ROBO1: variants seen among roughly 807,000 people sequenced by gnomAD.
The protein encoded by ROBO1 is roundabout guidance receptor 1.
A neutral mutation model predicts 195.9 loss-of-function variants in ROBO1; 149 were observed. The observed-to-expected ratio is 0.76, with a 90% CI of 0.67 to 0.87. The LOEUF (loss-of-function observed/expected upper bound fraction) is 0.87. ROBO1 is among the 40% of genes least tolerant of loss of function. ROBO1 has a pLI of 0.00. For synonymous variants in ROBO1, 816 were observed against 733.2 expected, an observed-to-expected ratio of 1.11 and a Z score of -1.82; for missense variants, 1,933 against 2,068.3, an observed-to-expected ratio of 0.93 and a Z score of 1.27.
chr3:78,845,172 G>GT (rs1297533690), intron 4 of ROBO1, among the ~76,000 whole-genome samples: 1 of 151,906 alleles, frequency 6.6e-6, no homozygotes, highest in Non-Finnish European at 1.5e-5. Context: ...TCAGATGTGT[G>GT]TAAGTATAAA....
At chr3:79,285,126 AAATCAACATGTT>A in intron 2 of ROBO1, among the ~76,000 whole-genome samples, 1 of 152,158 alleles carries the variant, frequency 6.6e-6, no homozygotes, top group African/African-American at 2.4e-5. Context: ...AGTAATTTAT[AAATCAACATGTT>A]CTTACGAAGC....
At chr3:79,242,837 C>T (rs183875836) in intron 2 of ROBO1, among the ~76,000 whole-genome samples, 3,462 of 152,118 alleles carry the variant, frequency 0.023, 56 homozygotes, top group Non-Finnish European at 0.035. Context: ...CTATTTCTTT[C>T]TTTTTTCATT....
At chr3:79,125,083 A>G (rs893577665) in intron 3 of ROBO1, among the ~76,000 whole-genome samples, 2 of 152,096 alleles carry the variant, frequency 1.3e-5, no homozygotes, top group African/African-American at 4.8e-5. Context: ...GTACAGATAA[A>G]TTTGAATCCA....
rs778256211 is a variant in ROBO1 at position 78,896,452 on chromosome 3, C to G, written c.499+42149G>C. 1.6e-3 allele frequency among the ~76,000 whole-genome samples: 245 copies of G among 151,908 alleles called. 3 individuals are homozygous for G. The highest frequency in any genetic ancestry group is 3.7e-3 in the Admixed American group (57 of 15,246). On this transcript the variant is annotated intron_variant, in intron 4 of 30. Coordinates refer to ENST00000464233, the MANE Select transcript of ROBO1 (RefSeq NM_002941.4). ...GATCAATGTACTTTGTAATCTCCCC[C>G]ACCCTTAAGAAGATTATTTGTAACT...
chr3:79,330,579 G>T (rs2034401415), intron 2 of ROBO1, among the ~76,000 whole-genome samples: 1 of 148,670 alleles, frequency 6.7e-6, no homozygotes, highest in Non-Finnish European at 1.5e-5. Flanking sequence ...CCTGTCTATG[G>T]CTACTTTCAT....
At chr3:78,778,495 A>T (rs1349267075) in intron 4 of ROBO1, among the ~76,000 whole-genome samples, 2 of 152,194 alleles carry the variant, frequency 1.3e-5, no homozygotes, top group Non-Finnish European at 2.9e-5. Flanking sequence ...CAGAGAGCCA[A>T]ATCATGAGTG....
At chr3:78,733,074 T>C (rs1338638892) in intron 5 of ROBO1, among the ~76,000 whole-genome samples, 2 of 152,132 alleles carry the variant, frequency 1.3e-5, no homozygotes, top group Non-Finnish European at 2.9e-5. Context: ...TTAAAGCAAC[T>C]AACCTTTAAA....
chr3:79,197,222 T>C (rs1272614292), intron 2 of ROBO1, among the ~76,000 whole-genome samples: 1 of 151,888 alleles, frequency 6.6e-6, no homozygotes, highest in African/African-American at 2.4e-5. Flanking sequence ...TGGTGTGTGA[T>C]GTTCCCCTCC....
In ROBO1 at chr3:79,192,428, C is replaced by A. The variant is rs2081556400; in HGVS notation, c.89-66889G>T. On this transcript the variant is annotated intron_variant, in intron 2 of 30. Coordinates refer to ENST00000464233, the MANE Select transcript of ROBO1 (RefSeq NM_002941.4). ...TATGTGACTAATAATTGTAATAAGT[C>A]ATACAAGGGGAAGAAAATTAGGGGT... is the stretch of plus-strand genomic sequence containing the variant. Among the ~76,000 whole-genome samples the A allele has an allele frequency of 2.0e-5, 3 of 151,530 alleles. No homozygotes were observed. The South Asian group carries it at 6.2e-4, about 31-fold the overall frequency.
chr3:79,469,625 A>C (rs551466442), intron 2 of ROBO1, among the ~76,000 whole-genome samples: 1 of 152,362 alleles, frequency 6.6e-6, no homozygotes, highest in East Asian at 1.9e-4. Context: ...CTCTAAGTTT[A>C]ATTTTCTTTT....
intron 19 of ROBO1, among the ~76,000 whole-genome samples, chr3:78,649,591 CT>C (rs1279109186): frequency 2.0e-5 from 3 of 152,040 alleles, no homozygotes; most frequent in East Asian, 1.9e-4. Flanking sequence ...ATTTCACTTT[CT>C]TTTTTTCTTA....
intron 4 of ROBO1, among the ~76,000 whole-genome samples, chr3:78,823,923 G>C (rs534999281): frequency 2.0e-5 from 3 of 151,658 alleles, no homozygotes; most frequent in Non-Finnish European, 4.4e-5. Flanking sequence ...GCATGCATGT[G>C]TGTGTACCTT....
At chr3:78,879,695 G>A (rs878934121) in intron 4 of ROBO1, among the ~76,000 whole-genome samples, 2 of 151,408 alleles carry the variant, frequency 1.3e-5, no homozygotes, top group South Asian at 2.1e-4. Flanking sequence ...TCTGGATTCC[G>A]CATTGACTCC....
intron 2 of ROBO1, among the ~76,000 whole-genome samples, chr3:79,412,874 ATT>A (rs1167482550): frequency 9.1e-4 from 35 of 38,314 alleles, no homozygotes; most frequent in African/African-American, 3.4e-3. Flanking sequence ...TCATGAGCTG[ATT>A]TTTTTTTTTT....
intron 22 of ROBO1, among the ~76,000 whole-genome samples, chr3:78,639,323 C>T (rs113634331): frequency 6.7e-6 from 1 of 149,076 alleles, no homozygotes; most frequent in East Asian, 2.0e-4. Flanking sequence ...ATTAGCTGAG[C>T]CTGATGGTGC....
chr3:79,451,319 T>C (rs900856326), intron 2 of ROBO1, among the ~76,000 whole-genome samples: 12 of 152,030 alleles, frequency 7.9e-5, no homozygotes, highest in African/African-American at 2.9e-4. Context: ...AATGGATATA[T>C]AAAGAGATGC....
At chr3:79,029,687 C>T (rs762659622) in intron 3 of ROBO1, among the ~76,000 whole-genome samples, 3 of 152,174 alleles carry the variant, frequency 2.0e-5, no homozygotes, top group Non-Finnish European at 2.9e-5. Flanking sequence ...AAGAATTTGC[C>T]ATTTGGCCCA....
intron 3 of ROBO1, among the ~76,000 whole-genome samples, chr3:79,087,551 C>CTTCCTTCCTTCATTTCTTTG (rs2079395662): frequency 2.0e-5 from 3 of 150,788 alleles, no homozygotes; most frequent in Non-Finnish European, 4.4e-5. Flanking sequence ...TTCCTTCCTT[C>CTTCCTTCCTTCATTTCTTTG]TTCCTTCCTT....
chr3:78,708,519 T>G (rs1370131616), intron 8 of ROBO1, among the ~76,000 whole-genome samples: 1 of 152,170 alleles, frequency 6.6e-6, no homozygotes, highest in Non-Finnish European at 1.5e-5. Context: ...AATAATATAA[T>G]TTGGCCATCA....
Sources: gnomAD v4.1 joint callset for allele counts (sites outside exome capture counted in the v4.1 genomes callset) on GRCh38, gnomAD v4.1.1 for gene constraint, MANE v1.5 for transcripts, NCBI Gene and HGNC (gene_info 2026-07-23, HGNC 2026-07-21) for gene names.